Variants in RBM4 observed in about 807,000 individuals in gnomAD.
RBM4 encodes the protein RNA binding motif protein 4, also known as RNA-binding protein 4.
RBM4 carries 7 observed loss-of-function variants against 29.5 expected under a neutral mutation model. The ratio of observed to expected loss-of-function variants is 0.24; its 90% CI spans 0.14 to 0.45. The LOEUF is 0.45. RBM4 is among the 20% of genes least tolerant of loss of function. RBM4 has a pLI of 1.00. For synonymous variants in RBM4, 220 were observed against 205.4 expected (o/e 1.07, Z -0.61); for missense variants, 387 against 502.3 (o/e 0.77, Z 2.19).
At chr11:66,640,631 C>A (rs1169670857) in intron 2 of RBM4, 1 of 171,636 alleles carries the variant, frequency 5.8e-6, no homozygotes, top group Non-Finnish European at 1.2e-5. Context: ...TATATTATAC[C>A]TGTACCAAGG....
intron 2 of RBM4, among the ~76,000 whole-genome samples, chr11:66,663,015 C>T (rs1939113606): frequency 6.6e-6 from 1 of 152,168 alleles, no homozygotes; most frequent in Admixed American, 6.5e-5. Flanking sequence ...ATTTTTGCTT[C>T]ACCTGTCAAG....
chr11:66,660,095 C>T (rs1375824756), intron 2 of RBM4, among the ~76,000 whole-genome samples: 1 of 149,432 alleles, frequency 6.7e-6, no homozygotes, highest in Non-Finnish European at 1.5e-5. Flanking sequence ...CTTTCAGATC[C>T]TTGTATACAC....
intron 2 of RBM4, among the ~76,000 whole-genome samples, chr11:66,661,604 A>T (rs1939084752): frequency 6.6e-6 from 1 of 152,228 alleles, no homozygotes; most frequent in African/African-American, 2.4e-5. Flanking sequence ...ACAGTTGATA[A>T]ATGAATTCAG....
chr11:66,653,782 A>G (rs1938883280), intron 2 of RBM4, among the ~76,000 whole-genome samples: 1 of 151,750 alleles, frequency 6.6e-6, no homozygotes, highest in African/African-American at 2.4e-5. Context: ...GAAGTCAAAA[A>G]TTATACATGG....
downstream of RBM4, among the ~76,000 whole-genome samples, chr11:66,649,317 G>C (rs1293951304): frequency 6.6e-6 from 1 of 152,190 alleles, no homozygotes; most frequent in Non-Finnish European, 1.5e-5. Context: ...TTATTGACTT[G>C]TTGAGAGGAA....
At chr11:66,656,857 C>T (rs1938960047) in intron 2 of RBM4, among the ~76,000 whole-genome samples, 1 of 152,008 alleles carries the variant, frequency 6.6e-6, no homozygotes, top group Non-Finnish European at 1.5e-5. Context: ...GACGGAGTTT[C>T]ACCATGTTGG....
At chr11:66,666,805 T>G (rs1435487468) in exon 3 of RBM4, 1 of 152,194 alleles carries the variant, frequency 6.6e-6, no homozygotes, top group East Asian at 1.9e-4. Flanking sequence ...TCTCAAGAGA[T>G]CTCAAGTCTT....
At chr11:66,666,473 C>A in exon 3 of RBM4, 4 of 986,284 alleles carry the variant, frequency 4.1e-6, no homozygotes, top group Non-Finnish European at 4.8e-6. Context: ...CAGGGTTATT[C>A]AGTCCATTTG....
chr11:66,655,739 G>A (rs1201049611), intron 2 of RBM4, among the ~76,000 whole-genome samples: 1 of 152,206 alleles, frequency 6.6e-6, no homozygotes, highest in African/African-American at 2.4e-5. Context: ...TGGCAAAAGA[G>A]TGAGTGGGAG....
chr11:66,656,676 A>T (rs1469138154), intron 2 of RBM4, among the ~76,000 whole-genome samples: 1 of 151,342 alleles, frequency 6.6e-6, no homozygotes, highest in Non-Finnish European at 1.5e-5. Context: ...TTTGTTTTTT[A>T]AAAAGATGGT....
chr11:66,648,306 A>C (rs1938752416), downstream of RBM4, among the ~76,000 whole-genome samples: 1 of 152,084 alleles, frequency 6.6e-6, no homozygotes, highest in Non-Finnish European at 1.5e-5. Flanking sequence ...AGGTTGTTTG[A>C]GCTCAGGAGT....
intron 2 of RBM4, among the ~76,000 whole-genome samples, chr11:66,658,228 G>A (rs760268613): frequency 1.3e-5 from 2 of 148,958 alleles, no homozygotes; most frequent in Admixed American, 6.7e-5. Context: ...GGGTTTCTCC[G>A]TGGTGGTCAG....
chr11:66,656,111 C>T (rs1196504933), intron 2 of RBM4, among the ~76,000 whole-genome samples: 1 of 152,014 alleles, frequency 6.6e-6, no homozygotes, highest in African/African-American at 2.4e-5. Flanking sequence ...GCTGGGATTA[C>T]AGGTGCCCGC....
rs916974466 is a variant in RBM4, at chr11:66,646,222, C to G, written c.*204C>G. On this transcript the variant is annotated 3_prime_UTR_variant, in exon 4 of 4. Coordinates refer to ENST00000310092, the MANE Select transcript of RBM4 (RefSeq NM_002896.4). ...CTCTCCTGCCCATTTTCCTGTTCTT[C>G]TGTCCTTCAATACTTCTGTAGCTTC... is the stretch of plus-strand genomic sequence containing the variant. 30 of 1,451,574 alleles carry G rather than the reference C, an allele frequency of 2.1e-5. No homozygotes were observed. In the Admixed American group the frequency reaches 6.9e-4, roughly 34 times the overall value. The allele number at this position is 1,451,574 out of a possible 1,614,324, so 89.9% of individuals were successfully genotyped here. A position where few individuals can be genotyped will look rare whatever the true frequency, so the allele number is the denominator to read the frequency against.
At chr11:66,658,662 C>T (rs955597976) in intron 2 of RBM4, among the ~76,000 whole-genome samples, 5 of 152,040 alleles carry the variant, frequency 3.3e-5, no homozygotes, top group Non-Finnish European at 7.4e-5. Context: ...ATAAGCCAGG[C>T]GCAGTGGCTC....
rs1297915833 is a variant in RBM4 at position 66,643,703 on chromosome 11, C to T, written c.666C>T (p.Tyr222=). The T allele has an allele frequency of 1.2e-6, 2 of 1,614,206 alleles. No homozygotes were observed. Among genetic ancestry groups the T allele is most frequent in the South Asian group, 1.1e-5 (1 of 91,088 alleles). ...CGTACGGAGCGCTCGATGCCTACTA[C>T]AAGCGCTGCCGTGCTGCCCGGTCCT... ...NNAYGALDAY[Y]KRCRAARSYE... The change falls in exon 3 of 4, where the codon TAC becomes TAT. Residue 222 remains tyrosine, a synonymous_variant. Transcript: ENST00000310092. The surrounding 1 kb of genome is among the most constrained non-coding windows in gnomAD (Gnocchi z 6.1).
At chr11:66,646,867 C>T (rs900894605), downstream of RBM4, among the ~76,000 whole-genome samples, 4 of 152,132 alleles carry the variant, frequency 2.6e-5, no homozygotes, top group African/African-American at 7.2e-5. Flanking sequence ...TTTCGCTCTT[C>T]GTGCCATGTG....
chr11:66,656,333 G>A (rs1199451331), intron 2 of RBM4, among the ~76,000 whole-genome samples: 1 of 152,034 alleles, frequency 6.6e-6, no homozygotes, highest in Non-Finnish European at 1.5e-5. Flanking sequence ...GTAGAGACAG[G>A]GTTTCACTGT....
At chr11:66,640,217 C>T (rs1270253566) in intron 2 of RBM4, 94 bp downstream of exon 2, 2 of 1,526,590 alleles carry the variant, frequency 1.3e-6, no homozygotes, top group East Asian at 2.3e-5. Context: ...AAGATAACAG[C>T]TGTTGGCTGG....
Sources: allele counts gnomAD v4.1 joint callset (sites outside exome capture counted in the v4.1 genomes callset), GRCh38; gene constraint gnomAD v4.1.1; non-coding constraint Gnocchi (gnomAD v3.1); transcripts MANE v1.5; gene names NCBI Gene and HGNC (gene_info 2026-07-23, HGNC 2026-07-21).